MEPCE: variants seen among roughly 807,000 people sequenced by gnomAD.
The protein encoded by MEPCE is methylphosphate capping enzyme.
A neutral mutation model predicts 52.3 loss-of-function variants in MEPCE; 9 were observed. The observed-to-expected ratio is 0.17, with a 90% CI of 0.10 to 0.30. The LOEUF is 0.30. Among genes scored for constraint, MEPCE ranks in the 10% least tolerant of loss-of-function variants. The probability of loss-of-function intolerance (pLI) is 1.00; values close to 1 mark genes in which losing one functional copy is unlikely to be tolerated. For missense variants in MEPCE, 826 were observed against 933.0 expected (o/e 0.89, Z 1.49); for synonymous variants, 477 against 401.6 (o/e 1.19, Z -2.25).
Position 100,433,132 on chromosome 7 carries a change from C to T in MEPCE, c.1885C>T (p.Leu629Phe), listed in dbSNP as rs1466442020. ...PWSSYGKRKT[L>F]TETIYKNYYR... ...GTCGTCGTATGGCAAGAGAAAGACT[C>T]TTACAGTGAGTTGGGTGTTGGGGGA... Residue 629 changes from leucine to phenylalanine, a missense_variant, in exon 2 of 4, where the codon CTT becomes TTT. Physicochemically the swap from Leu to Phe is conservative, Grantham distance 22. Around this residue, in one of 7 missense-constraint regions of MEPCE, gnomAD observed 82 missense variants for 121.4 expected, o/e 0.68. Transcript: ENST00000310512. 2 of 1,613,984 alleles carry T rather than the reference C, an allele frequency of 1.2e-6. No homozygotes were observed. The highest frequency in any genetic ancestry group is 1.7e-5 in the Admixed American group (1 of 60,036).
chr7:100,429,222 C>T (rs1419529498), upstream of MEPCE, among the ~76,000 whole-genome samples: 2 of 152,268 alleles, frequency 1.3e-5, no homozygotes, highest in East Asian at 1.9e-4. Flanking sequence ...CAGGAAGCCC[C>T]GCCCCTCCGG....
At position 100,433,530 on chromosome 7, in the gene MEPCE, C is replaced by T. The variant is rs770287382; in HGVS notation, c.2046C>T (p.His682=). The change falls in exon 4 of 4, where the codon CAC becomes CAT. Residue 682 remains histidine (H), a synonymous_variant. Coordinates refer to ENST00000310512, the MANE Select transcript of MEPCE (RefSeq NM_019606.6). ...KGFQRPVYLF[H]KARSPSH ...TCCAGCGTCCTGTGTACCTGTTCCA[C>T]AAGGCCCGATCCCCCAGCCACTAAG... 17 of 1,613,406 alleles carry T rather than the reference C, an allele frequency of 1.1e-5. No individual in the cohort carries two copies. The highest frequency in any genetic ancestry group is 1.4e-5 in the Non-Finnish European group (16 of 1,180,026).
chr7:100,433,332 C>T lies in MEPCE; in HGVS notation c.1960C>T (p.Pro654Ser), dbSNP rs1483735414. The change falls in exon 3 of 4, where the codon CCA (proline) becomes TCA (serine). Residue 654 changes from proline (P) to serine (S), a missense_variant. Physicochemically the swap from Pro to Ser is moderately conservative, Grantham distance 74. This residue lies in a region of MEPCE where 82 missense variants were observed against 121.4 expected (regional missense o/e 0.68). Transcript: ENST00000310512. ...PEQFSSYLTS[P>S]DVGFSSYELV... ...GCAGTTCAGTTCCTACCTGACATCCCCAGACGTGGGCTTCTCCAGCTATGA... is the reference window on the plus strand; with the variant it reads ...GCAGTTCAGTTCCTACCTGACATCCTCAGACGTGGGCTTCTCCAGCTATGA... 1 of 1,614,198 alleles carries T rather than the reference C, an allele frequency of 6.2e-7. No individual in the cohort carries two copies. Among genetic ancestry groups the T allele is most frequent in the East Asian group, 2.2e-5 (1 of 44,890 alleles).
chr7:100,432,157 T>TC (rs1171351584), intron 1 of MEPCE, among the ~76,000 whole-genome samples: 2 of 152,358 alleles, frequency 1.3e-5, no homozygotes, highest in Non-Finnish European at 2.9e-5. Context: ...CTTGCTCCTA[T>TC]CAGCGGCTTT....
Position 100,433,251 on chromosome 7 carries a change from C to T in MEPCE, c.1891-12C>T, listed in dbSNP as rs151196182. 2.4e-3 allele frequency: 3,896 copies of T among 1,614,122 alleles called. 79 individuals are homozygous for T. The African/African-American group carries it at 0.043, about 18-fold the overall frequency. On this transcript the variant is annotated splice_polypyrimidine_tract_variant and intron_variant, in intron 2 of 3. Coordinates refer to ENST00000310512, the MANE Select transcript of MEPCE (RefSeq NM_019606.6). ...GCAGCGTGCTGAAGTGGTCCCTTGC[C>T]TCTCTCCTTAGGAAACGATCTACAA...
chr7:100,432,754 A>G (rs1246894000), intron 1 of MEPCE, among the ~76,000 whole-genome samples, 165 bp from the exon 2 acceptor site: 1 of 152,168 alleles, frequency 6.6e-6, no homozygotes, highest in Admixed American at 6.5e-5. Context: ...TAGAGGAGAA[A>G]ACAAAACTCA....
At position 100,430,855 on chromosome 7, in the gene MEPCE, T is replaced by G. The variant is rs749004254; in HGVS notation, c.837T>G (p.Ser279Arg). 5 of 1,609,294 alleles carry G rather than the reference T, an allele frequency of 3.1e-6. No individual in the cohort carries two copies. Among genetic ancestry groups the G allele is most frequent in the Non-Finnish European group, 4.2e-6 (5 of 1,177,298 alleles). ...HHQQQQAAGG[S>R]ESHPVPPTAP... ...AGCAGCAGCAGGCAGCCGGAGGGAG[T>G]GAGAGTCACCCCGTGCCGCCCACAG... The change falls in exon 1 of 4, where the codon AGT becomes AGG. Residue 279 changes from serine (S) to arginine (R), a missense_variant. This residue lies in a region of MEPCE where 307 missense variants were observed against 292.1 expected (regional missense o/e 1.05). Coordinates refer to ENST00000310512, the MANE Select transcript of MEPCE (RefSeq NM_019606.6).
At chr7:100,432,817 TA>T in intron 1 of MEPCE, 101 bp from the exon 2 acceptor site, 1 of 1,073,964 alleles carries the variant, frequency 9.3e-7, no homozygotes, top group Non-Finnish European at 1.4e-6. Context: ...GGCCACGGGC[TA>T]AAGTGAGGCC....
At position 100,430,016 on chromosome 7, in the gene MEPCE, G is replaced by GA. The variant is rs1439692583; in HGVS notation, c.1dup. Reference sequence around the variant, plus strand: ...CCCGACTGGCACGGAATAAGGGGAGGAAATGATCGAGATGGCGGCGGAGAA... The same window carrying GA: ...CCCGACTGGCACGGAATAAGGGGAGGAAAATGATCGAGATGGCGGCGGAGAA... On this transcript the variant is annotated 5_prime_UTR_variant, in exon 1 of 4. Transcript: ENST00000310512. The GA allele has an allele frequency of 1.6e-6, 2 of 1,268,984 alleles. No individual in the cohort carries two copies. 78.6% of individuals were successfully genotyped at this position (1,268,984 alleles called of 1,614,324 possible). A position where few individuals can be genotyped will look rare whatever the true frequency, so the allele number is the denominator to read the frequency against.
chr7:100,428,804 G>C (rs1466201426), upstream of MEPCE: 1 of 152,222 alleles, frequency 6.6e-6, no homozygotes, highest in Non-Finnish European at 1.5e-5. Flanking sequence ...AGAGGCCCGC[G>C]AACTGACGGG....
Position 100,433,991 on chromosome 7 carries a change from A to ACCACCG in MEPCE, c.*437_*438insCCACCG. The ACCACCG allele has an allele frequency of 5.8e-6, 1 of 171,960 alleles. No homozygotes were observed. The highest frequency in any genetic ancestry group is 1.4e-4 in the South Asian group (1 of 7,156). The allele number at this position is 171,960 out of a possible 1,614,324, so 10.7% of individuals were successfully genotyped here. A position where few individuals can be genotyped will look rare whatever the true frequency, so the allele number is the denominator to read the frequency against. ...TAGAGGGACTGAGGGTTAGACGGGGAAGACTGGCAGGGAGGCACGCAGGTA... is the reference window on the plus strand; with the variant it reads ...TAGAGGGACTGAGGGTTAGACGGGGACCACCGAGACTGGCAGGGAGGCACGCAGGTA... On this transcript the variant is annotated 3_prime_UTR_variant, in exon 4 of 4. Transcript: ENST00000310512.
chr7:100,430,088 T>C lies in MEPCE; in HGVS notation c.70T>C (p.Ser24Pro). 7.9e-7 allele frequency: 1 copy of C among 1,265,800 alleles called. No individual in the cohort carries two copies. The highest frequency in any genetic ancestry group is 9.9e-7 in the Non-Finnish European group (1 of 1,005,816). The allele number at this position is 1,265,800 out of a possible 1,614,324, so 78.4% of individuals were successfully genotyped here. A position where few individuals can be genotyped will look rare whatever the true frequency, so the allele number is the denominator to read the frequency against. The change falls in exon 1 of 4, where the codon TCG becomes CCG. Residue 24 changes from serine (S) to proline (P), a missense_variant. By Grantham distance (74) the Ser-to-Pro change is moderately conservative (BLOSUM62 -1). This residue lies in a region of MEPCE where 314 missense variants were observed against 277.7 expected (regional missense o/e 1.13). Transcript: ENST00000310512. ...CCCGCCGCCGCCGCTCAAAGATGAG[T>C]CGGGCGGAGGGGGCGGCCCCACGGT... The part of the protein sequence containing the change: ...PAPPPPLKDE[S>P]GGGGGPTVPP...
At position 100,430,934 on chromosome 7, in the gene MEPCE, A is replaced by G. The variant is rs1798664000; in HGVS notation, c.916A>G (p.Arg306Gly). ...GGGCGCCTCACAGCAGCCGCGGCAC[A>G]GGGGCCAGAACCGGGATGCCCCCCA... ...GEGASQQPRH[R>G]GQNRDAPQPY... is the part of the protein sequence containing the mutation. Residue 306 changes from arginine to glycine, a missense_variant, in exon 1 of 4, where the codon AGG becomes GGG. Transcript: ENST00000310512. 2 of 1,608,718 alleles carry G rather than the reference A, an allele frequency of 1.2e-6. No homozygotes were observed. The highest frequency in any genetic ancestry group is 1.1e-5 in the South Asian group (1 of 90,596).
At position 100,433,551 on chromosome 7, in the gene MEPCE, C is replaced by CT; in HGVS notation, c.2068dup (p.Ter690LeufsTer90). On this transcript the variant is annotated frameshift_variant, in exon 4 of 4. Transcript: ENST00000310512. LOFTEE classifies it high-confidence loss of function. ...TCCACAAGGCCCGATCCCCCAGCCA[C>CT]TAAGTGGCCCCCTAAACAGAAAGTG... 1 of 1,612,524 alleles carries CT rather than the reference C, an allele frequency of 6.2e-7. No homozygotes were observed. The highest frequency in any genetic ancestry group is 8.5e-7 in the Non-Finnish European group (1 of 1,179,998).
chr7:100,430,355 G>A lies in MEPCE; in HGVS notation c.337G>A (p.Gly113Arg). Residue 113 changes from glycine (G) to arginine (R), a missense_variant, in exon 1 of 4, where the codon GGG becomes AGG. Physicochemically the swap from Gly to Arg is moderately radical, Grantham distance 125. Around this residue, in one of 7 missense-constraint regions of MEPCE, gnomAD observed 314 missense variants for 277.7 expected, o/e 1.13. Coordinates refer to ENST00000310512, the MANE Select transcript of MEPCE (RefSeq NM_019606.6). ...PPGRAAPPDV[G>R]EERRGGGGTE... Reference sequence around the variant, plus strand: ...GGGGCGAGCCGCTCCCCCGGACGTGGGGGAGGAGCGCCGGGGAGGGGGCGG... The same window carrying A: ...GGGGCGAGCCGCTCCCCCGGACGTGAGGGAGGAGCGCCGGGGAGGGGGCGG... 1 of 1,435,116 alleles carries A rather than the reference G, an allele frequency of 7.0e-7. No individual in the cohort carries two copies. The highest frequency in any genetic ancestry group is 9.1e-7 in the Non-Finnish European group (1 of 1,096,866). 88.9% of individuals were successfully genotyped at this position (1,435,116 alleles called of 1,614,324 possible). A position where few individuals can be genotyped will look rare whatever the true frequency, so the allele number is the denominator to read the frequency against.
At chr7:100,432,784 G>A in intron 1 of MEPCE, 135 bp from the exon 2 acceptor site, 2 of 763,414 alleles carry the variant, frequency 2.6e-6, no homozygotes, top group East Asian at 2.5e-5. Flanking sequence ...GGCACCTTTT[G>A]GGAGTTAGTC....
chr7:100,429,203 G>GCCCTTCGTCAGGAAGCCCCGC (rs1207915775), upstream of MEPCE, among the ~76,000 whole-genome samples: 1 of 152,102 alleles, frequency 6.6e-6, no homozygotes, highest in Non-Finnish European at 1.5e-5. Context: ...CATGAGCCCC[G>GCCCTTCGTCAGGAAGCCCCGC]CCCTTCGTCA....
chr7:100,430,807 T>C lies in MEPCE; in HGVS notation c.789T>C (p.His263=). 6.2e-7 allele frequency: 1 copy of C among 1,613,286 alleles called. No individual in the cohort carries two copies. The highest frequency in any genetic ancestry group is 2.2e-5 in the East Asian group (1 of 44,852). ...CACTCAAGACTGGTCGGAAGCGGCA[T>C]AGACACCGGGGACAGCACCACCAGC... The part of the protein sequence containing the change: ...ASPLKTGRKR[H]RHRGQHHQQQ... Residue 263 remains histidine, a synonymous_variant, in exon 1 of 4, where the codon CAT becomes CAC. Transcript: ENST00000310512.
At position 100,430,519 on chromosome 7, in the gene MEPCE, C is replaced by A. The variant is rs1392812090; in HGVS notation, c.501C>A (p.Phe167Leu). 1 of 1,584,176 alleles carries A rather than the reference C, an allele frequency of 6.3e-7. No individual in the cohort carries two copies. Among genetic ancestry groups the A allele is most frequent in the Non-Finnish European group, 8.6e-7 (1 of 1,165,086 alleles). The change falls in exon 1 of 4, where the codon TTC (phenylalanine) becomes TTA (leucine). Residue 167 changes from phenylalanine to leucine, a missense_variant. By Grantham distance (22) the Phe-to-Leu change is conservative (BLOSUM62 0). Transcript: ENST00000310512. ...GGGGGFKHPA[F>L]KRRRRVNSDC... ...GGGGAGGCTTCAAACATCCGGCCTTCAAGAGGCGCAGGCGGGTGAATTCGG... is the reference window on the plus strand; with the variant it reads ...GGGGAGGCTTCAAACATCCGGCCTTAAAGAGGCGCAGGCGGGTGAATTCGG...
Sources: gnomAD v4.1 joint callset for allele counts (sites outside exome capture counted in the v4.1 genomes callset) on GRCh38, gnomAD v4.1.1 for gene constraint, gnomAD v4.1.1 regional missense constraint, MANE v1.5 for transcripts, NCBI Gene and HGNC (gene_info 2026-07-23, HGNC 2026-07-21) for gene names.